The following ZNF131 variants were observed in gnomAD, a reference collection of about 807,000 sequenced individuals.
ZNF131 encodes zinc finger and BTB domain containing 35.
A neutral mutation model predicts 60.0 loss-of-function variants in ZNF131; 7 were observed. That is an observed-to-expected ratio of 0.12 (90% CI 0.07 to 0.22). The LOEUF (loss-of-function observed/expected upper bound fraction) is 0.22, where lower values mean the gene tolerates loss of function less well. Among genes scored for constraint, ZNF131 ranks in the 10% least tolerant of loss-of-function variants. ZNF131 has a pLI of 1.00. For synonymous variants in ZNF131, 257 were observed against 253.2 expected (o/e 1.01, Z -0.14); for missense variants, 493 against 740.9 (o/e 0.67, Z 3.88).
chr5:43,170,941 A>T (rs113375246), intron 5 of ZNF131, among the ~76,000 whole-genome samples: 7,967 of 141,966 alleles, frequency 0.056, 316 homozygotes, highest in South Asian at 0.13. Context: ...GCGATTTTTT[A>T]AATTTTTTTT....
intron 3 of ZNF131, among the ~76,000 whole-genome samples, chr5:43,129,259 A>G (rs865959152): frequency 6.6e-6 from 1 of 152,080 alleles, no homozygotes; most frequent in Middle Eastern, 3.4e-3. Context: ...TTTTGTAGAG[A>G]AGAGATCTCA....
At chr5:43,146,330 G>C (rs528099460) in intron 4 of ZNF131, among the ~76,000 whole-genome samples, 1 of 152,288 alleles carries the variant, frequency 6.6e-6, no homozygotes, top group South Asian at 2.1e-4. Context: ...GCTCACGCCT[G>C]TAATCCCAGC....
At chr5:43,160,714 G>A (rs1368376877) in intron 4 of ZNF131, among the ~76,000 whole-genome samples, 3 of 117,342 alleles carry the variant, frequency 2.6e-5, no homozygotes, top group Admixed American at 1.1e-4. Context: ...ACAGAGTTTC[G>A]CTCTTGTCGC....
chr5:43,135,058 G>C (rs1207064274), intron 3 of ZNF131, among the ~76,000 whole-genome samples: 1 of 148,200 alleles, frequency 6.7e-6, no homozygotes, highest in Non-Finnish European at 1.5e-5. Context: ...GAGTGCAATG[G>C]CGCAATCTCG....
Position 43,175,045 on chromosome 5 carries a change from CT to C in ZNF131, c.1785del (p.Glu596ArgfsTer3). Reference sequence around the variant, plus strand: ...GCTGCCAGGGAAGATCACGAAGATGCTGAGGATTTAGAGACCAAGCCAACAG... The same window carrying C: ...GCTGCCAGGGAAGATCACGAAGATGCGAGGATTTAGAGACCAAGCCAACAG... Reference protein sequence around the residue: ...AEAAREDHEDAEDLETKPTVD... With the variant: ...AEAAREDHEDXEDLETKPTVD... On this transcript the variant is annotated frameshift_variant, in exon 7 of 7. Coordinates refer to ENST00000682664, the MANE Select transcript of ZNF131 (RefSeq NM_001330707.2). LOFTEE classifies it high-confidence loss of function. 1 of 1,614,100 alleles carries C rather than the reference CT, an allele frequency of 6.2e-7. No individual in the cohort carries two copies. The highest frequency in any genetic ancestry group is 8.5e-7 in the Non-Finnish European group (1 of 1,180,030).
At chr5:43,163,791 G>C (rs1750038342) in intron 5 of ZNF131, among the ~76,000 whole-genome samples, 1 of 152,176 alleles carries the variant, frequency 6.6e-6, no homozygotes, top group African/African-American at 2.4e-5. Flanking sequence ...ATACAACATA[G>C]ATAGCCTACA....
At chr5:43,156,693 T>A (rs1193503740) in intron 4 of ZNF131, among the ~76,000 whole-genome samples, 2 of 152,170 alleles carry the variant, frequency 1.3e-5, no homozygotes, top group African/African-American at 4.8e-5. Flanking sequence ...GTTGTGAGGT[T>A]TATGTCCTTT....
At chr5:43,161,004 A>C (rs1749627363) in intron 4 of ZNF131, among the ~76,000 whole-genome samples, 1 of 152,058 alleles carries the variant, frequency 6.6e-6, no homozygotes, top group African/African-American at 2.4e-5. Context: ...CCCCCATAAA[A>C]ATCAGTTGAC....
chr5:43,130,046 G>A (rs1436510640), intron 3 of ZNF131, among the ~76,000 whole-genome samples: 1 of 151,176 alleles, frequency 6.6e-6, no homozygotes, highest in Non-Finnish European at 1.5e-5. Context: ...TGGGCAGATT[G>A]CCTGAGCTCA....
At position 43,174,861 on chromosome 5, in the gene ZNF131, G is replaced by A. The variant is rs779447559; in HGVS notation, c.1600G>A (p.Glu534Lys). The A allele has an allele frequency of 1.2e-6, 2 of 1,614,180 alleles. No individual in the cohort carries two copies. The highest frequency in any genetic ancestry group is 2.2e-5 in the South Asian group (2 of 91,084). ...AGAAGTGGGCCGAATTCAGACTGAA[G>A]AAGGTACTGAAGTACATGTAGAGGA... Reference protein sequence around the residue: ...YLEVGRIQTEEGTEVHVEELH... With the variant: ...YLEVGRIQTEKGTEVHVEELH... Residue 534 changes from glutamate to lysine, a missense_variant, in exon 7 of 7, where the codon GAA becomes AAA. Around this residue, in one of 7 missense-constraint regions of ZNF131, gnomAD observed 202 missense variants for 221.3 expected, o/e 0.91. Coordinates refer to ENST00000682664, the MANE Select transcript of ZNF131 (RefSeq NM_001330707.2).
At chr5:43,138,019 A>G (rs1015440661) in intron 3 of ZNF131, among the ~76,000 whole-genome samples, 1 of 152,208 alleles carries the variant, frequency 6.6e-6, no homozygotes, top group African/African-American at 2.4e-5. Context: ...TAAAATAGTC[A>G]CTTCCACTCA....
chr5:43,152,771 C>T (rs922331580), intron 4 of ZNF131, among the ~76,000 whole-genome samples: 1 of 151,942 alleles, frequency 6.6e-6, no homozygotes, highest in African/African-American at 2.4e-5. Context: ...CCATGCCCAG[C>T]TAATCTTTTA....
At chr5:43,137,298 A>C (rs1284034262) in intron 3 of ZNF131, among the ~76,000 whole-genome samples, 1 of 152,208 alleles carries the variant, frequency 6.6e-6, no homozygotes, top group African/African-American at 2.4e-5. Flanking sequence ...TATTTGCAGA[A>C]CCAAATAAAT....
chr5:43,168,560 T>G (rs1347055742), intron 5 of ZNF131, among the ~76,000 whole-genome samples: 4 of 152,116 alleles, frequency 2.6e-5, no homozygotes, highest in South Asian at 2.1e-4. Flanking sequence ...TAATGAGAGA[T>G]GAGTTTGAGA....
Position 43,146,739 on chromosome 5 carries a change from C to G in ZNF131, c.371+7430C>G, listed in dbSNP as rs145960106. On this transcript the variant is annotated intron_variant, in intron 4 of 6. Transcript: ENST00000682664. The stretch of plus-strand genomic sequence containing the variant: ...TGACCAATATGGTGAAACCCTGTCT[C>G]TACTGAAAATACAAAAATTAGCCGG... Among the ~76,000 whole-genome samples, 198 of 152,086 alleles carry G rather than the reference C, an allele frequency of 1.3e-3. 2 individuals carry two copies. The highest frequency in any genetic ancestry group is 4.6e-3 in the African/African-American group (190 of 41,506).
At chr5:43,143,056 CACTGTT>C (rs905000647) in intron 4 of ZNF131, among the ~76,000 whole-genome samples, 1 of 146,660 alleles carries the variant, frequency 6.8e-6, no homozygotes, top group Non-Finnish European at 1.5e-5. Context: ...GACAGAGTCT[CACTGTT>C]ACCAGGATGG....
intron 4 of ZNF131, among the ~76,000 whole-genome samples, chr5:43,161,014 C>G (rs1749628297): frequency 6.6e-6 from 1 of 152,100 alleles, no homozygotes; most frequent in African/African-American, 2.4e-5. Context: ...AATCAGTTGA[C>G]TAAGCGTGGG....
chr5:43,130,658 G>A (rs1452731013), intron 3 of ZNF131, among the ~76,000 whole-genome samples: 5 of 151,678 alleles, frequency 3.3e-5, no homozygotes, highest in African/African-American at 4.8e-5. Context: ...TCCGCCTCCC[G>A]GGTTCAAGCG....
At position 43,144,233 on chromosome 5, in the gene ZNF131, CTTTCTTTTTTTTTTT is replaced by C. The variant is rs528633569; in HGVS notation, c.371+4928_371+4942del. 0.014 allele frequency among the ~76,000 whole-genome samples: 1,187 copies of C among 82,430 alleles called. 72 individuals are homozygous for C. The East Asian group carries it at 0.22, about 15-fold the overall frequency. 54.1% of individuals were successfully genotyped at this position (82,430 alleles called of 152,430 possible). ...CACGGCGCCTGGCCTTTTTTTCTTT[CTTTCTTTTTTTTTTT>C]TTTTTTTTTTTTTTTTTTTGGAGAC... On this transcript the variant is annotated intron_variant, in intron 4 of 6. Coordinates refer to ENST00000682664, the MANE Select transcript of ZNF131 (RefSeq NM_001330707.2).
Sources: gnomAD v4.1 joint callset for allele counts (sites outside exome capture counted in the v4.1 genomes callset) on GRCh38, gnomAD v4.1.1 for gene constraint, gnomAD v4.1.1 regional missense constraint, MANE v1.5 for transcripts, NCBI Gene and HGNC (gene_info 2026-07-23, HGNC 2026-07-21) for gene names.